NAV3: variants seen among roughly 807,000 people sequenced by gnomAD.
NAV3 encodes the protein neuron navigator 3.
In NAV3, 87 loss-of-function variants were observed where a neutral mutation model predicts 244.7. That is an observed-to-expected ratio of 0.36 (90% confidence interval 0.30 to 0.42). The LOEUF (loss-of-function observed/expected upper bound fraction) is 0.42, where lower values mean the gene tolerates loss of function less well. Ranked by LOEUF, NAV3 falls within the 20% of genes least tolerant of loss-of-function variation. The pLI is 1.00. For missense variants in NAV3, 2,663 were observed against 2,893.3 expected, an observed-to-expected ratio of 0.92 and a Z score of 1.83; for synonymous variants, 1,126 against 1,042.2, an observed-to-expected ratio of 1.08 and a Z score of -1.55.
At chr12:78,068,059 TA>T (rs1164814385) in intron 12 of NAV3, among the ~76,000 whole-genome samples, 1 of 151,924 alleles carries the variant, frequency 6.6e-6, no homozygotes, top group Non-Finnish European at 1.5e-5. Context: ...TCAAATTTGT[TA>T]TAATAACAAT....
At chr12:77,706,321 A>G (rs188225924) in intron 2 of NAV3, among the ~76,000 whole-genome samples, 21 of 151,552 alleles carry the variant, frequency 1.4e-4, no homozygotes, top group African/African-American at 5.1e-4. Context: ...CTAGGAGTAC[A>G]TACTATATTT....
intron 2 of NAV3, among the ~76,000 whole-genome samples, chr12:77,722,799 A>G (rs1212487423): frequency 6.6e-6 from 1 of 152,052 alleles, no homozygotes; most frequent in Non-Finnish European, 1.5e-5. Context: ...TTGTCTTGTT[A>G]CTTGGATATC....
intron 2 of NAV3, among the ~76,000 whole-genome samples, chr12:77,693,223 CAGTT>C (rs1341734270): frequency 2.0e-5 from 3 of 152,022 alleles, no homozygotes; most frequent in Non-Finnish European, 4.4e-5. Context: ...TTCATTCAGT[CAGTT>C]ATTTTTTGTT....
At chr12:78,006,358 T>C in intron 7 of NAV3, 61 bp from the exon 8 acceptor site, 1 of 1,471,298 alleles carries the variant, frequency 6.8e-7, no homozygotes. Context: ...TTCTCAATTA[T>C]GTAATATAAA....
chr12:77,703,332 C>A (rs1433411834), intron 2 of NAV3, among the ~76,000 whole-genome samples: 2 of 152,080 alleles, frequency 1.3e-5, no homozygotes, highest in African/African-American at 4.8e-5. Context: ...TTGTGAGATT[C>A]ATCCATCTTA....
At chr12:77,905,108 G>A (rs1437040423) in intron 1 of NAV3, among the ~76,000 whole-genome samples, 1 of 152,064 alleles carries the variant, frequency 6.6e-6, no homozygotes, top group East Asian at 1.9e-4. Flanking sequence ...TTCATTGAAA[G>A]TTCACCTTTT....
At chr12:77,814,705 G>A (rs1009473599) in intron 2 of NAV3, among the ~76,000 whole-genome samples, 2 of 152,078 alleles carry the variant, frequency 1.3e-5, no homozygotes, top group Non-Finnish European at 2.9e-5. Flanking sequence ...ACTCACCTGT[G>A]ATTAAAAACC....
chr12:77,997,257 AAAAAG>A (rs1872520301), intron 6 of NAV3, among the ~76,000 whole-genome samples: 1 of 151,686 alleles, frequency 6.6e-6, no homozygotes, highest in Non-Finnish European at 1.5e-5. Flanking sequence ...AAAAAAAAAA[AAAAAG>A]AATGTCAATA....
At chr12:78,144,931 A>G (rs867170786) in intron 20 of NAV3, 12,053 of 148,696 alleles carry the variant, frequency 0.081, 934 homozygotes, top group East Asian at 0.21. Context: ...AAAAAAAAAA[A>G]AAAAAAAAAA....
chr12:77,647,766 C>T (rs767259572), intron 2 of NAV3, among the ~76,000 whole-genome samples: 19 of 152,004 alleles, frequency 1.2e-4, no homozygotes, highest in Non-Finnish European at 2.4e-4. Flanking sequence ...GACACTACTC[C>T]TATATTATGT....
chr12:77,961,656 T>A lies in NAV3; in HGVS notation c.415-4573T>A, dbSNP rs965718380. The stretch of plus-strand genomic sequence containing the variant: ...TATATTATGCAATATATTATTACAT[T>A]ATATATATTACATACATGTAATATA... On this transcript the variant is annotated intron_variant, in intron 3 of 39. Transcript: ENST00000397909. 9.9e-5 allele frequency among the ~76,000 whole-genome samples: 14 copies of A among 141,750 alleles called. No homozygotes were observed. In the East Asian group the frequency reaches 1.6e-3, roughly 17 times the overall value. The allele number at this position is 141,750 out of a possible 152,430, so 93.0% of individuals were successfully genotyped here.
chr12:77,968,815 G>A (rs1472162880), intron 5 of NAV3, 113 bp downstream of exon 5: 2 of 1,005,958 alleles, frequency 2.0e-6, no homozygotes, highest in South Asian at 1.7e-5. Flanking sequence ...TTGTATCAGT[G>A]TGATGGGATT....
In NAV3 at chr12:77,600,763, G is replaced by A. The variant is rs373398604; in HGVS notation, c.72+28497G>A. Among the ~76,000 whole-genome samples the A allele has an allele frequency of 8.6e-5, 13 of 152,034 alleles. No homozygotes were observed. In the East Asian group the frequency reaches 1.9e-3, roughly 23 times the overall value. ...CATCCCAGGACAAATGATAATGGAT[G>A]ACCTTTAGATAGGGGTGAAGGGTCC... On this transcript the variant is annotated intron_variant, in intron 2 of 8. Transcript: ENST00000550042.
chr12:77,729,755 T>C (rs1001979770), intron 2 of NAV3, among the ~76,000 whole-genome samples: 2 of 151,946 alleles, frequency 1.3e-5, no homozygotes, highest in Non-Finnish European at 2.9e-5. Flanking sequence ...TAAATCCTGA[T>C]ATAAGGCAGG....
intron 1 of NAV3, among the ~76,000 whole-genome samples, chr12:77,920,292 T>A (rs1212789261): frequency 1.3e-5 from 2 of 152,006 alleles, no homozygotes; most frequent in African/African-American, 4.8e-5. Context: ...GAATAAAGAA[T>A]ACCATGCTAT....
chr12:77,648,643 TG>T (rs1872699148), intron 2 of NAV3, among the ~76,000 whole-genome samples: 1 of 152,132 alleles, frequency 6.6e-6, no homozygotes, highest in African/African-American at 2.4e-5. Context: ...CTGTAACCAG[TG>T]GGTCCTCTAA....
At chr12:77,717,374 T>C (rs2137277883) in intron 2 of NAV3, among the ~76,000 whole-genome samples, 1 of 152,232 alleles carries the variant, frequency 6.6e-6, no homozygotes, top group South Asian at 2.1e-4. Flanking sequence ...TCATGCAGTA[T>C]TTGTCCTTAA....
At chr12:77,846,014 T>C (rs1227094971) in intron 1 of NAV3, among the ~76,000 whole-genome samples, 1 of 152,076 alleles carries the variant, frequency 6.6e-6, no homozygotes, top group African/African-American at 2.4e-5. Flanking sequence ...TGCAGTGCAC[T>C]CCAAAAAGCA....
chr12:78,131,868 G>A (rs192246082), intron 18 of NAV3, among the ~76,000 whole-genome samples: 13 of 152,272 alleles, frequency 8.5e-5, no homozygotes, highest in African/African-American at 2.9e-4. Flanking sequence ...TGTCTTACAC[G>A]ATCATAGAGT....
Sources: gnomAD v4.1 joint callset for allele counts (sites outside exome capture counted in the v4.1 genomes callset) on GRCh38, gnomAD v4.1.1 for gene constraint, MANE v1.5 for transcripts, NCBI Gene and HGNC (gene_info 2026-07-23, HGNC 2026-07-21) for gene names.